Variants in CLIP1 observed in about 807,000 individuals in gnomAD.
The protein encoded by CLIP1 is CAP-Gly domain-containing linker protein 1.
A neutral mutation model predicts 161.6 loss-of-function variants in CLIP1; 66 were observed. The observed-to-expected ratio is 0.41, with a 90% confidence interval of 0.33 to 0.50. The LOEUF is 0.50. Ranked by LOEUF, CLIP1 falls within the 20% of genes least tolerant of loss-of-function variation. The pLI is 0.27. For synonymous variants in CLIP1, 598 were observed against 626.2 expected (o/e 0.96, Z 0.67); for missense variants, 1,376 against 1,702.0 (o/e 0.81, Z 3.37).
chr12:122,380,158 G>A (rs748908416), intron 2 of CLIP1, among the ~76,000 whole-genome samples: 6 of 151,036 alleles, frequency 4.0e-5, no homozygotes, highest in African/African-American at 7.3e-5. Flanking sequence ...CAGGAGAATC[G>A]CTTGAACCCA....
chr12:122,278,699 C>T (rs570343185), intron 23 of CLIP1, 93 bp downstream of exon 23: 2 of 1,326,376 alleles, frequency 1.5e-6, no homozygotes, highest in East Asian at 2.4e-5. Context: ...GTCAGGGCAG[C>T]ATGAGAGCTG....
chr12:122,277,740 T>G (rs1955487413), intron 24 of CLIP1: 1 of 155,870 alleles, frequency 6.4e-6, no homozygotes, highest in Non-Finnish European at 1.4e-5. Context: ...AATAGGGAAC[T>G]GACTAAATTA....
In CLIP1 at chr12:122,377,789, T is replaced by C. The variant is rs761014360; in HGVS notation, c.257A>G (p.Gln86Arg). The change falls in exon 3 of 26, where the codon CAG becomes CGG. Residue 86 changes from glutamine to arginine, a missense_variant. Coordinates refer to ENST00000620786, the MANE Select transcript of CLIP1 (RefSeq NM_001247997.2). ...FLGETQFAPG[Q>R]WAGIVLDEPI... is the part of the protein sequence containing the mutation. ...TTCATCTAAAACAATTCCAGCCCAC[T>C]GGCCTGGTGCAAACTGGGTTTCTCC... 10 of 1,614,018 alleles carry C rather than the reference T, an allele frequency of 6.2e-6. No individual in the cohort carries two copies. Among genetic ancestry groups the C allele is most frequent in the Non-Finnish European group, 8.5e-6 (10 of 1,180,016 alleles).
chr12:122,336,750 T>C lies in CLIP1; in HGVS notation c.2452-2A>G. 6.9e-7 allele frequency: 1 copy of C among 1,447,542 alleles called. No individual in the cohort carries two copies. The allele number at this position is 1,447,542 out of a possible 1,614,324, so 89.7% of individuals were successfully genotyped here. ...GAGCTCTCTGGTAATGCTACTAGCC[T>C]AACACACAGTGTTACATGGTATAGA... On this transcript the variant is annotated splice_acceptor_variant, in intron 11 of 25. Transcript: ENST00000620786. LOFTEE classifies it high-confidence loss of function.
intron 1 of CLIP1, among the ~76,000 whole-genome samples, chr12:122,390,267 C>CATATATATACATATATAT (rs1955570067): frequency 2.8e-5 from 2 of 71,300 alleles, no homozygotes; most frequent in African/African-American, 7.7e-5. Context: ...TATACACACA[C>CATATATATACATATATAT]ATATATATAT....
intron 10 of CLIP1, 28 bp downstream of exon 10, chr12:122,347,347 T>A: frequency 1.3e-6 from 2 of 1,510,234 alleles, no homozygotes; most frequent in Non-Finnish European, 1.8e-6. Flanking sequence ...TGCATGGGTC[T>A]GCTTCATTAA....
rs544370200 is a variant in CLIP1, at chr12:122,370,297, G to A, written c.658-6190C>T. The stretch of plus-strand genomic sequence containing the variant: ...CAGGGTCCAGAGAACAAGGGGCACT[G>A]CAAGTCCAAGGAAGGAGTTTCGATT... On this transcript the variant is annotated intron_variant, in intron 3 of 25. Transcript: ENST00000620786. Among the ~76,000 whole-genome samples, 14 of 152,282 alleles carry A rather than the reference G, an allele frequency of 9.2e-5. No individual in the cohort carries two copies. In the South Asian group the frequency reaches 2.3e-3, roughly 25 times the overall value.
intron 20 of CLIP1, among the ~76,000 whole-genome samples, chr12:122,304,263 A>C (rs1274819089): frequency 6.6e-6 from 1 of 152,236 alleles, no homozygotes; most frequent in African/African-American, 2.4e-5. Context: ...ATTCAAGTAC[A>C]AATTCTCAGG....
At chr12:122,278,701 T>G in intron 23 of CLIP1, 91 bp downstream of exon 23, 5 of 1,353,246 alleles carry the variant, frequency 3.7e-6, no homozygotes, top group Non-Finnish European at 5.0e-6. Context: ...CAGGGCAGCA[T>G]GAGAGCTGTC....
chr12:122,417,125 C>T (rs1418614600), intron 1 of CLIP1, among the ~76,000 whole-genome samples: 1 of 151,716 alleles, frequency 6.6e-6, no homozygotes, highest in Non-Finnish European at 1.5e-5. Context: ...GGTGAAACCC[C>T]GTCTCTACTA....
chr12:122,338,014 C>CAAAAAA (rs546569199), intron 11 of CLIP1, among the ~76,000 whole-genome samples: 1 of 111,208 alleles, frequency 9.0e-6, no homozygotes, highest in Non-Finnish European at 1.9e-5. Context: ...GACTCTGTCT[C>CAAAAAA]AAAAAAAAAA....
At chr12:122,285,512 G>C (rs1955813829) in intron 21 of CLIP1, among the ~76,000 whole-genome samples, 2 of 152,000 alleles carry the variant, frequency 1.3e-5, no homozygotes, top group Non-Finnish European at 2.9e-5. Context: ...GATTACAGGT[G>C]TAAGCCACGG....
Position 122,327,972 on chromosome 12 carries a change from A to G in CLIP1, c.3224T>C (p.Leu1075Pro). 3 of 1,613,974 alleles carry G rather than the reference A, an allele frequency of 1.9e-6. No homozygotes were observed. Among genetic ancestry groups the G allele is most frequent in the Non-Finnish European group, 2.5e-6 (3 of 1,179,942 alleles). ...NSGLLQELEE[L>P]RKQADKAKAA... ...TTTGGCTTTGTCGGCTTGCTTTCTC[A>G]GCTCCTCCAGCTCCTGCAGCAAGCC... Residue 1075 changes from leucine (L) to proline (P), a missense_variant, in exon 17 of 26, where the codon CTG (leucine) becomes CCG (proline). Leu to Pro is a moderately conservative substitution (Grantham distance 98, BLOSUM62 -3). Coordinates refer to ENST00000620786, the MANE Select transcript of CLIP1 (RefSeq NM_001247997.2).
At chr12:122,304,670 A>C (rs2136453939) in intron 20 of CLIP1, among the ~76,000 whole-genome samples, 1 of 152,306 alleles carries the variant, frequency 6.6e-6, no homozygotes, top group South Asian at 2.1e-4. Context: ...CTTGGGTGCC[A>C]ATTTAAAAGT....
intron 20 of CLIP1, among the ~76,000 whole-genome samples, chr12:122,308,308 A>C (rs1337798905): frequency 2.0e-5 from 3 of 152,194 alleles, no homozygotes; most frequent in African/African-American, 7.2e-5. Context: ...TGTTCAATGA[A>C]ATGACAGGAG....
rs1220784943 is a variant in CLIP1, at chr12:122,311,754, T to G, written c.3474-1872A>C. Among the ~76,000 whole-genome samples the G allele has an allele frequency of 6.6e-6, 1 of 152,174 alleles. No individual in the cohort carries two copies. Among genetic ancestry groups the G allele is most frequent in the Admixed American group, 6.5e-5 (1 of 15,284 alleles). ...ATTGTTTTAAAATTTACAAAATGCT[T>G]CCATGTCCATTTTCTCATTTAATCC... is the stretch of plus-strand genomic sequence containing the variant. On this transcript the variant is annotated intron_variant, in intron 19 of 25. Transcript: ENST00000620786. The surrounding 1 kb of genome is among the most constrained non-coding windows in gnomAD (Gnocchi z 4.3).
Position 122,272,844 on chromosome 12 carries a change from G to A in CLIP1, c.*31C>T, listed in dbSNP as rs769574802. The A allele has an allele frequency of 5.0e-6, 8 of 1,596,836 alleles. No individual in the cohort carries two copies. In the Admixed American group the frequency reaches 1.3e-4, roughly 27 times the overall value. On this transcript the variant is annotated 3_prime_UTR_variant, in exon 26 of 26. Transcript: ENST00000620786. ...ACGTTGTGTCAATGCGAGTGCGTCT[G>A]AGCAAGCCCAGTTCTCCACTGGAGG...
intron 20 of CLIP1, among the ~76,000 whole-genome samples, chr12:122,299,434 C>T (rs537257648): frequency 1.1e-4 from 16 of 151,946 alleles, no homozygotes; most frequent in Admixed American, 2.0e-4. Context: ...ATTTCCTAAA[C>T]GTAATAATGC....
intron 10 of CLIP1, among the ~76,000 whole-genome samples, chr12:122,344,931 T>A (rs1238188198): frequency 6.6e-6 from 1 of 152,156 alleles, no homozygotes; most frequent in Non-Finnish European, 1.5e-5. Flanking sequence ...TGGAAAGATA[T>A]AAGCTTTACA....
Sources: gnomAD v4.1 joint callset for allele counts (sites outside exome capture counted in the v4.1 genomes callset) on GRCh38, gnomAD v4.1.1 for gene constraint, Gnocchi (gnomAD v3.1) non-coding constraint, MANE v1.5 for transcripts, NCBI Gene and HGNC (gene_info 2026-07-23, HGNC 2026-07-21) for gene names.